The following XRCC4 variants were observed in gnomAD, a reference collection of about 807,000 sequenced individuals.
XRCC4 encodes DNA repair protein XRCC4.
A neutral mutation model predicts 39.1 loss-of-function variants in XRCC4; 28 were observed. That is an observed-to-expected ratio of 0.72 (90% CI 0.53 to 0.98). The LOEUF (loss-of-function observed/expected upper bound fraction) is 0.98. Ranked by LOEUF, XRCC4 falls within the 50% of genes least tolerant of loss-of-function variation. The pLI is 0.00. For synonymous variants in XRCC4, 123 were observed against 126.4 expected, an observed-to-expected ratio of 0.97 and a Z score of 0.18; for missense variants, 350 against 376.4, an observed-to-expected ratio of 0.93 and a Z score of 0.58.
chr5:83,135,483 C>G (rs1197842068), intron 3 of XRCC4, among the ~76,000 whole-genome samples: 1 of 145,502 alleles, frequency 6.9e-6, no homozygotes, highest in Non-Finnish European at 1.5e-5. Flanking sequence ...ATGTAGTTTT[C>G]TTTGTTTATT....
At chr5:83,367,844 C>T in the XRCC4 span, among the ~76,000 whole-genome samples, 6 of 151,626 alleles carry the variant, frequency 4.0e-5, no homozygotes, top group South Asian at 2.1e-4. Flanking sequence ...CCACCCACCT[C>T]GGCCTCCCAA....
chr5:83,312,466 G>C (rs537975504), intron 7 of XRCC4, among the ~76,000 whole-genome samples: 2 of 152,214 alleles, frequency 1.3e-5, no homozygotes, highest in East Asian at 3.9e-4. Flanking sequence ...TGTTGTGTGA[G>C]GAGCATCATA....
chr5:83,257,352 A>AC (rs1753580160), intron 6 of XRCC4, among the ~76,000 whole-genome samples: 2 of 152,134 alleles, frequency 1.3e-5, no homozygotes. Flanking sequence ...AAGAAAAAAA[A>AC]AAACCCATTA....
intron 4 of XRCC4, among the ~76,000 whole-genome samples, chr5:83,197,802 G>A (rs1751016150): frequency 6.6e-6 from 1 of 152,120 alleles, no homozygotes; most frequent in African/African-American, 2.4e-5. Flanking sequence ...GTCTATAGAT[G>A]TGTGCCAGTG....
chr5:83,119,331 G>C (rs1293500090), intron 3 of XRCC4, among the ~76,000 whole-genome samples: 2 of 152,156 alleles, frequency 1.3e-5, no homozygotes, highest in Non-Finnish European at 2.9e-5. Flanking sequence ...GGAAATCATA[G>C]TATTCTTTAT....
intron 7 of XRCC4, among the ~76,000 whole-genome samples, chr5:83,338,155 A>G (rs1365353780): frequency 6.6e-6 from 1 of 152,224 alleles, no homozygotes; most frequent in Non-Finnish European, 1.5e-5. Context: ...AAGTTGTACA[A>G]TAATTTTTTT....
intron 4 of XRCC4, 73 bp downstream of exon 4, chr5:83,196,009 T>C: frequency 7.0e-7 from 1 of 1,422,498 alleles, no homozygotes; most frequent in Non-Finnish European, 9.3e-7. Context: ...AAGTTAATGA[T>C]TGGTAAATTT....
downstream of XRCC4, among the ~76,000 whole-genome samples, chr5:83,356,562 A>T (rs570218964): frequency 6.6e-6 from 1 of 152,322 alleles, no homozygotes; most frequent in South Asian, 2.1e-4. Flanking sequence ...GAACATAATA[A>T]GCCTATAATC....
intron 6 of XRCC4, among the ~76,000 whole-genome samples, chr5:83,226,045 T>G (rs1319414729): frequency 6.6e-6 from 1 of 152,062 alleles, no homozygotes; most frequent in Non-Finnish European, 1.5e-5. Flanking sequence ...ATCTGCATTT[T>G]TTTAAAGCCT....
At chr5:83,206,876 G>A (rs972437193) in intron 6 of XRCC4, among the ~76,000 whole-genome samples, 1 of 151,956 alleles carries the variant, frequency 6.6e-6, no homozygotes, top group Non-Finnish European at 1.5e-5. Flanking sequence ...AGAAAAGGTA[G>A]AATAAACAGA....
chr5:83,201,059 G>C (rs1751169278), intron 4 of XRCC4, among the ~76,000 whole-genome samples: 1 of 152,036 alleles, frequency 6.6e-6, no homozygotes, highest in Non-Finnish European at 1.5e-5. Flanking sequence ...ATTTGCCACA[G>C]TTTTTTTAAA....
Position 83,309,298 on chromosome 5 carries a change from T to TAA in XRCC4, c.894-43832_894-43831insAA, listed in dbSNP as rs1417141729. Among the ~76,000 whole-genome samples the TAA allele has an allele frequency of 6.8e-4, 30 of 44,214 alleles. 1 individual carries two copies. Among genetic ancestry groups the TAA allele is most frequent in the African/African-American group, 2.3e-3 (29 of 12,374 alleles). The allele number at this position is 44,214 out of a possible 152,430, so 29.0% of individuals were successfully genotyped here. ...AAAAAAAAAAAAAAAAAAAAAAAAA[T>TAA]ATATATATATATATATATATATAGG... is the stretch of plus-strand genomic sequence containing the variant. On this transcript the variant is annotated intron_variant, in intron 7 of 7. Transcript: ENST00000396027.
chr5:83,180,296 A>G (rs1036893632), intron 3 of XRCC4, among the ~76,000 whole-genome samples: 2 of 152,140 alleles, frequency 1.3e-5, no homozygotes, highest in African/African-American at 4.8e-5. Flanking sequence ...AGGAGAGAGT[A>G]TTGTAATAGA....
At chr5:83,302,074 G>A (rs552737690) in intron 7 of XRCC4, among the ~76,000 whole-genome samples, 51 of 152,226 alleles carry the variant, frequency 3.4e-4, no homozygotes, top group Non-Finnish European at 6.6e-4. Context: ...AAGCTCGAGC[G>A]TCCCAGATGG....
rs560003228 is a variant in XRCC4, at chr5:83,134,990, G to A, written c.315+23787G>A. The stretch of plus-strand genomic sequence containing the variant: ...TCCGGACACATCTGAACAGCTGAAG[G>A]AACAAACTCTGGACACACCATCTTT... On this transcript the variant is annotated intron_variant, in intron 3 of 7. Transcript: ENST00000396027. 1.2e-3 allele frequency among the ~76,000 whole-genome samples: 190 copies of A among 152,222 alleles called. 1 individual carries two copies. The highest frequency in any genetic ancestry group is 2.4e-3 in the Non-Finnish European group (161 of 68,016).
intron 3 of XRCC4, among the ~76,000 whole-genome samples, chr5:83,147,654 A>G (rs1748520126): frequency 6.7e-6 from 1 of 149,410 alleles, no homozygotes; most frequent in Non-Finnish European, 1.5e-5. Context: ...GGACTATAGA[A>G]ATAACATGTA....
chr5:83,125,217 C>T (rs12152891), intron 3 of XRCC4, among the ~76,000 whole-genome samples: 74,512 of 151,978 alleles, frequency 0.49, 19,201 homozygotes, highest in African/African-American at 0.63. Context: ...CTATTTTCTT[C>T]TAGTCTCTTG....
intron 1 of XRCC4, among the ~76,000 whole-genome samples, chr5:83,079,067 A>G (rs1040001340): frequency 1.3e-5 from 2 of 151,932 alleles, no homozygotes; most frequent in African/African-American, 4.8e-5. Flanking sequence ...TAAAGGTAAT[A>G]CTTCTGTATG....
chr5:83,142,219 A>T (rs935837272), intron 3 of XRCC4, among the ~76,000 whole-genome samples: 1 of 152,170 alleles, frequency 6.6e-6, no homozygotes. Flanking sequence ...TGTGTGCTGT[A>T]CGTGATACTC....
Sources: allele counts gnomAD v4.1 joint callset (sites outside exome capture counted in the v4.1 genomes callset), GRCh38; gene constraint gnomAD v4.1.1; transcripts MANE v1.5; gene names NCBI Gene and HGNC (gene_info 2026-07-23, HGNC 2026-07-21).